Variants in CCSER1 observed in about 807,000 individuals in gnomAD.
CCSER1 encodes serine-rich coiled-coil domain-containing protein 1.
CCSER1 carries 41 observed loss-of-function variants against 82.0 expected under a neutral mutation model. The ratio of observed to expected loss-of-function variants is 0.50; its 90% CI spans 0.39 to 0.65. CCSER1 has a LOEUF of 0.65. CCSER1 is among the 30% of genes least tolerant of loss of function. CCSER1 has a pLI of 0.00. For missense variants in CCSER1, 1,119 were observed against 1,064.2 expected (o/e 1.05, Z -0.72); for synonymous variants, 414 against 383.9 (o/e 1.08, Z -0.92).
At chr4:90,697,034 GGATGA>G (rs1191939169) in intron 6 of CCSER1, among the ~76,000 whole-genome samples, 3 of 152,108 alleles carry the variant, frequency 2.0e-5, no homozygotes, top group African/African-American at 7.2e-5. Flanking sequence ...GAGCATTCTG[GGATGA>G]GATAAGAGAC....
chr4:90,932,984 G>GAAAGAAAGAAAGAAAGAA (rs1730242237), intron 9 of CCSER1, among the ~76,000 whole-genome samples: 1 of 20,530 alleles, frequency 4.9e-5, no homozygotes. Flanking sequence ...GAAAGAAAGA[G>GAAAGAAAGAAAGAAAGAA]AAAGAAAGAA....
At chr4:90,854,834 T>G (rs1046237703) in intron 8 of CCSER1, among the ~76,000 whole-genome samples, 9 of 152,098 alleles carry the variant, frequency 5.9e-5, no homozygotes, top group African/African-American at 1.9e-4. Context: ...TAAAAACTAC[T>G]GGAGACTGGG....
At chr4:90,889,541 A>G (rs1722659494) in intron 8 of CCSER1, among the ~76,000 whole-genome samples, 1 of 152,172 alleles carries the variant, frequency 6.6e-6, no homozygotes, top group Non-Finnish European at 1.5e-5. Flanking sequence ...GGATAAGCCC[A>G]TTAGGGAAAC....
intron 1 of CCSER1, among the ~76,000 whole-genome samples, chr4:90,179,590 C>T (rs1354889726): frequency 1.3e-5 from 2 of 152,104 alleles, no homozygotes; most frequent in East Asian, 1.9e-4. Flanking sequence ...GCTGTTTTGC[C>T]CAGGCTGGTC....
At chr4:90,778,418 C>T (rs1015807693) in intron 7 of CCSER1, among the ~76,000 whole-genome samples, 2 of 151,924 alleles carry the variant, frequency 1.3e-5, no homozygotes, top group African/African-American at 2.4e-5. Context: ...AGATGTATCT[C>T]TTCTTGGATG....
chr4:91,144,975 A>G (rs1037743788), intron 10 of CCSER1, among the ~76,000 whole-genome samples: 3 of 152,028 alleles, frequency 2.0e-5, no homozygotes, highest in African/African-American at 7.2e-5. Context: ...TATTAGGTCT[A>G]ATTGGTCAAG....
chr4:91,340,427 A>G (rs1747635683), intron 10 of CCSER1, among the ~76,000 whole-genome samples: 1 of 152,240 alleles, frequency 6.6e-6, no homozygotes, highest in Non-Finnish European at 1.5e-5. Flanking sequence ...AAATTTGGAT[A>G]TAATTCCATG....
chr4:90,313,280 T>G (rs2153481357), intron 3 of CCSER1, among the ~76,000 whole-genome samples: 1 of 152,254 alleles, frequency 6.6e-6, no homozygotes, highest in South Asian at 2.1e-4. Context: ...CCATGGAAAG[T>G]TTGACATTCT....
chr4:90,791,463 C>T (rs1755222626), intron 7 of CCSER1, among the ~76,000 whole-genome samples: 1 of 152,184 alleles, frequency 6.6e-6, no homozygotes, highest in South Asian at 2.1e-4. Context: ...CAACAGCCAT[C>T]AACATTGAGG....
intron 10 of CCSER1, among the ~76,000 whole-genome samples, chr4:91,293,215 A>G (rs1443671110): frequency 6.6e-6 from 1 of 151,780 alleles, no homozygotes; most frequent in East Asian, 1.9e-4. Context: ...ATCCACTACA[A>G]CCCTTGTTGT....
chr4:90,634,521 TG>T (rs1337077060), intron 6 of CCSER1, among the ~76,000 whole-genome samples: 1 of 151,786 alleles, frequency 6.6e-6, no homozygotes. Context: ...CACTGTTTGG[TG>T]GGAATTTTTA....
At chr4:91,375,910 T>G (rs1750378645) in intron 10 of CCSER1, among the ~76,000 whole-genome samples, 2 of 152,112 alleles carry the variant, frequency 1.3e-5, no homozygotes, top group Non-Finnish European at 2.9e-5. Context: ...ATTAGTCTAT[T>G]CAAAGTTAGA....
At chr4:90,738,446 T>C (rs1397318623) in intron 7 of CCSER1, among the ~76,000 whole-genome samples, 2 of 152,168 alleles carry the variant, frequency 1.3e-5, no homozygotes, top group Non-Finnish European at 2.9e-5. Context: ...TTCTTGTTGT[T>C]TTCTCTTACT....
intron 1 of CCSER1, among the ~76,000 whole-genome samples, chr4:90,268,338 A>G (rs1455029874): frequency 1.3e-5 from 2 of 152,184 alleles, no homozygotes; most frequent in African/African-American, 2.4e-5. Context: ...AATAACTACA[A>G]CAATTTCAGA....
intron 9 of CCSER1, among the ~76,000 whole-genome samples, chr4:91,054,174 C>T (rs373181920): frequency 6.6e-6 from 1 of 152,170 alleles, no homozygotes; most frequent in African/African-American, 2.4e-5. Context: ...GCCAGCTATA[C>T]TCTGCCACTG....
At chr4:90,302,081 A>G (rs1000148837) in intron 1 of CCSER1, among the ~76,000 whole-genome samples, 1 of 152,198 alleles carries the variant, frequency 6.6e-6, no homozygotes, top group South Asian at 2.1e-4. Flanking sequence ...AGATTTATTC[A>G]TGGCAGTGAG....
chr4:90,145,825 G>T (rs1725696975), intron 1 of CCSER1, among the ~76,000 whole-genome samples: 1 of 151,944 alleles, frequency 6.6e-6, no homozygotes, highest in Non-Finnish European at 1.5e-5. Context: ...CAAAACAATT[G>T]AACAGATTAT....
chr4:90,844,141 G>A (rs1204143676), intron 8 of CCSER1, among the ~76,000 whole-genome samples: 1 of 148,950 alleles, frequency 6.7e-6, no homozygotes, highest in Non-Finnish European at 1.5e-5. Context: ...TCCAGTGTGT[G>A]TGTGTGTTGT....
intron 10 of CCSER1, among the ~76,000 whole-genome samples, chr4:91,575,825 A>G (rs1402339102): frequency 6.6e-6 from 1 of 151,956 alleles, no homozygotes; most frequent in African/African-American, 2.4e-5. Context: ...TTTTAGAATG[A>G]CTATTATAAA....
Sources: allele counts gnomAD v4.1 joint callset (sites outside exome capture counted in the v4.1 genomes callset), GRCh38; gene constraint gnomAD v4.1.1; transcripts MANE v1.5; gene names NCBI Gene and HGNC (gene_info 2026-07-23, HGNC 2026-07-21).